Variants in FBXL13 observed in about 807,000 individuals in gnomAD.
FBXL13 encodes F-box and leucine rich repeat protein 13.
FBXL13 carries 67 observed loss-of-function variants against 83.6 expected under a neutral mutation model. The ratio of observed to expected loss-of-function variants is 0.80; its 90% CI spans 0.66 to 0.98. The LOEUF (loss-of-function observed/expected upper bound fraction) is 0.98. FBXL13 is among the 50% of genes least tolerant of loss of function. The pLI is 0.00. For synonymous variants in FBXL13, 272 were observed against 299.5 expected, an observed-to-expected ratio of 0.91 and a Z score of 0.95; for missense variants, 822 against 866.5, an observed-to-expected ratio of 0.95 and a Z score of 0.64.
intron 8 of FBXL13, chr7:102,944,238 A>T (rs1430531394): frequency 6.2e-7 from 1 of 1,609,828 alleles, no homozygotes; most frequent in Admixed American, 1.7e-5. Context: ...CACATTTAGA[A>T]GAATTAGATT....
At chr7:102,903,750 G>A (rs1813277304) in intron 11 of FBXL13, among the ~76,000 whole-genome samples, 1 of 151,684 alleles carries the variant, frequency 6.6e-6, no homozygotes, top group African/African-American at 2.4e-5. Context: ...CCTTCATTCT[G>A]TTGATGCTAT....
chr7:102,969,790 T>A (rs1287462540), intron 6 of FBXL13, among the ~76,000 whole-genome samples: 1 of 121,066 alleles, frequency 8.3e-6, no homozygotes, highest in East Asian at 2.4e-4. Context: ...AGAGCAAGAC[T>A]CTGTCCAAAA....
chr7:102,921,120 C>A (rs1286271814), intron 10 of FBXL13, among the ~76,000 whole-genome samples: 1 of 152,150 alleles, frequency 6.6e-6, no homozygotes, highest in Non-Finnish European at 1.5e-5. Flanking sequence ...TCATTGCACT[C>A]CAGCCTGGGC....
In FBXL13 at chr7:102,924,637, T is replaced by A. The variant is rs997167038; in HGVS notation, c.878+1637A>T. 1.3e-4 allele frequency among the ~76,000 whole-genome samples: 16 copies of A among 121,698 alleles called. 1 individual carries two copies. Among genetic ancestry groups the A allele is most frequent in the African/African-American group, 1.6e-4 (6 of 38,584 alleles). 79.8% of individuals were successfully genotyped at this position (121,698 alleles called of 152,430 possible). A position where few individuals can be genotyped will look rare whatever the true frequency, so the allele number is the denominator to read the frequency against. On this transcript the variant is annotated intron_variant, in intron 10 of 19. Transcript: ENST00000313221. ...ATCACCGAGAATTTTCTGTGTAAGC[T>A]TTTCTTTTTTTTTTTTTTTTTTGAG...
At chr7:102,949,661 A>G (rs1823107932) in intron 8 of FBXL13, among the ~76,000 whole-genome samples, 1 of 152,242 alleles carries the variant, frequency 6.6e-6, no homozygotes. Flanking sequence ...GATGAAGACA[A>G]TTGTACTAAG....
chr7:103,032,932 G>A (rs1794654559), intron 2 of FBXL13, among the ~76,000 whole-genome samples: 1 of 152,142 alleles, frequency 6.6e-6, no homozygotes, highest in Admixed American at 6.5e-5. Flanking sequence ...GGGAGGTTGA[G>A]GTGGGAGAAT....
intron 6 of FBXL13, among the ~76,000 whole-genome samples, chr7:103,017,365 A>T (rs1792480857): frequency 6.6e-6 from 1 of 151,996 alleles, no homozygotes; most frequent in African/African-American, 2.4e-5. Flanking sequence ...TAAAACCACA[A>T]AGACGGGGAA....
intron 17 of FBXL13, among the ~76,000 whole-genome samples, chr7:102,846,400 C>G (rs1315610791): frequency 6.6e-6 from 1 of 152,084 alleles, no homozygotes; most frequent in African/African-American, 2.4e-5. Context: ...GGCAGATCAC[C>G]TGAGGTCAGG....
intron 6 of FBXL13, among the ~76,000 whole-genome samples, chr7:103,000,464 G>A (rs1191261730): frequency 6.6e-6 from 1 of 152,186 alleles, no homozygotes; most frequent in Non-Finnish European, 1.5e-5. Context: ...TTGATTTAAT[G>A]TCAAGTTTCT....
rs183127968 is a variant in FBXL13, at chr7:102,941,882, A to G, written c.725-9949T>C. 6.6e-4 allele frequency among the ~76,000 whole-genome samples: 101 copies of G among 152,320 alleles called. 4 individuals are homozygous for G. The East Asian group carries it at 0.012, about 18-fold the overall frequency. ...AAAACTTGAGAAAAATGAGAAGACA[A>G]TGCAAAGAGATAGATAATAGTGTAA... On this transcript the variant is annotated intron_variant, in intron 8 of 19. Transcript: ENST00000313221.
intron 17 of FBXL13, among the ~76,000 whole-genome samples, chr7:102,853,365 C>T (rs1447631265): frequency 1.3e-5 from 2 of 152,028 alleles, no homozygotes; most frequent in African/African-American, 2.4e-5. Flanking sequence ...TTTCAAAAAT[C>T]AATTCAAGAT....
chr7:103,021,280 A>G lies in FBXL13; in HGVS notation c.495+3783T>C, dbSNP rs1375518260. Among the ~76,000 whole-genome samples the G allele has an allele frequency of 2.0e-5, 3 of 152,242 alleles. No individual in the cohort carries two copies. In the East Asian group the frequency reaches 5.8e-4, roughly 29 times the overall value. On this transcript the variant is annotated intron_variant, in intron 6 of 19. Transcript: ENST00000313221. ...GGTGCTGGAAAAACTGGCTAGCCAT[A>G]TGTAGAAAGCTGAAGCTGGATCCCT...
At chr7:102,935,742 T>C (rs1820186337) in intron 8 of FBXL13, among the ~76,000 whole-genome samples, 1 of 152,226 alleles carries the variant, frequency 6.6e-6, no homozygotes, top group African/African-American at 2.4e-5. Context: ...ACAATGTCTA[T>C]ATGTTTCATT....
intron 11 of FBXL13, among the ~76,000 whole-genome samples, chr7:102,910,679 G>T (rs1814506857): frequency 6.6e-6 from 1 of 152,080 alleles, no homozygotes; most frequent in Admixed American, 6.5e-5. Context: ...GGGCAGAAAG[G>T]TATGATACCT....
intron 16 of FBXL13, among the ~76,000 whole-genome samples, chr7:102,868,635 T>C (rs1312784569): frequency 6.6e-6 from 1 of 152,164 alleles, no homozygotes; most frequent in East Asian, 1.9e-4. Flanking sequence ...TTTGACATAC[T>C]GATTTCATTT....
In FBXL13 at chr7:102,963,785, A is replaced by G. The variant is rs1585157189; in HGVS notation, c.592-120T>C. 17 of 925,296 alleles carry G rather than the reference A, an allele frequency of 1.8e-5. No homozygotes were observed. In the East Asian group the frequency reaches 4.2e-4, roughly 23 times the overall value. 57.3% of individuals were successfully genotyped at this position (925,296 alleles called of 1,614,324 possible). The stretch of plus-strand genomic sequence containing the variant: ...TAAAGAGCTTCTGTACAGCAAAAGA[A>G]ACTATCAATAGAGAAGACAGACAAC... On this transcript the variant is annotated intron_variant, in intron 7 of 19. Transcript: ENST00000313221.
At chr7:102,871,036 A>G (rs753709166) in intron 16 of FBXL13, among the ~76,000 whole-genome samples, 3 of 152,084 alleles carry the variant, frequency 2.0e-5, no homozygotes, top group Non-Finnish European at 4.4e-5. Context: ...TTCTCTTACA[A>G]TCTTTTTGAC....
chr7:102,917,663 T>C (rs918200752), intron 10 of FBXL13, among the ~76,000 whole-genome samples: 1 of 152,118 alleles, frequency 6.6e-6, no homozygotes, highest in African/African-American at 2.4e-5. Flanking sequence ...GGTTGGAGAA[T>C]GTCAACGAAG....
At chr7:103,053,993 C>T (rs1170761972) in intron 2 of FBXL13, among the ~76,000 whole-genome samples, 1 of 152,194 alleles carries the variant, frequency 6.6e-6, no homozygotes, top group Non-Finnish European at 1.5e-5. Flanking sequence ...GTTTTTGCCT[C>T]TCAGCCCCCA....
Sources: allele counts gnomAD v4.1 joint callset (sites outside exome capture counted in the v4.1 genomes callset), GRCh38; gene constraint gnomAD v4.1.1; transcripts MANE v1.5; gene names NCBI Gene and HGNC (gene_info 2026-07-23, HGNC 2026-07-21).